PARD3B: variants seen among roughly 807,000 people sequenced by gnomAD.
PARD3B encodes the protein partitioning defective 3 homolog B.
A neutral mutation model predicts 130.2 loss-of-function variants in PARD3B; 103 were observed. The ratio of observed to expected loss-of-function variants is 0.79; its 90% CI spans 0.67 to 0.93. The LOEUF is 0.93. PARD3B is among the 40% of genes least tolerant of loss of function. The pLI is 0.00. For synonymous variants in PARD3B, 583 were observed against 553.2 expected (o/e 1.05, Z -0.76); for missense variants, 1,609 against 1,499.2 (o/e 1.07, Z -1.21).
chr2:204,999,919 C>T (rs552524769), intron 3 of PARD3B, among the ~76,000 whole-genome samples: 1 of 152,162 alleles, frequency 6.6e-6, no homozygotes, highest in Admixed American at 6.5e-5. Context: ...GAAAAATGAT[C>T]TATTTACTTA....
chr2:205,541,649 AT>A (rs994065159), intron 21 of PARD3B, among the ~76,000 whole-genome samples: 5 of 148,944 alleles, frequency 3.4e-5, no homozygotes, highest in African/African-American at 7.4e-5. Context: ...TGCCCGGCCT[AT>A]TTTTTTTTAT....
chr2:204,801,559 T>C (rs1003441513), intron 2 of PARD3B, among the ~76,000 whole-genome samples: 8 of 152,242 alleles, frequency 5.3e-5, no homozygotes, highest in Admixed American at 3.9e-4. Context: ...GATTTTTGTA[T>C]CCTGATACTT....
Position 205,366,037 on chromosome 2 carries a change from T to C in PARD3B, c.2631-34976T>C, listed in dbSNP as rs1044736057. The stretch of plus-strand genomic sequence containing the variant: ...AAAGCAAAAGATTATCCATTTATCC[T>C]ATCTATCTACCCACCCACCCATCTA... On this transcript the variant is annotated intron_variant, in intron 18 of 22. Coordinates refer to ENST00000406610, the MANE Select transcript of PARD3B (RefSeq NM_001302769.2). The surrounding 1 kb of genome is among the most constrained non-coding windows in gnomAD (Gnocchi z 5.0). Among the ~76,000 whole-genome samples the C allele has an allele frequency of 2.3e-4, 35 of 152,086 alleles. No individual in the cohort carries two copies. The highest frequency in any genetic ancestry group is 7.5e-4 in the African/African-American group (31 of 41,410).
At chr2:205,254,335 G>C (rs2039981039) in intron 16 of PARD3B, among the ~76,000 whole-genome samples, 1 of 151,948 alleles carries the variant, frequency 6.6e-6, no homozygotes, top group Non-Finnish European at 1.5e-5. Context: ...AAATCTGAAG[G>C]TGAGCTCTTA....
chr2:204,717,905 T>C (rs193109473), intron 2 of PARD3B, among the ~76,000 whole-genome samples: 1 of 152,340 alleles, frequency 6.6e-6, no homozygotes, highest in Non-Finnish European at 1.5e-5. Context: ...GTATGCTCCA[T>C]GGCCATAGTG....
At chr2:204,896,866 C>A (rs749883536) in intron 2 of PARD3B, among the ~76,000 whole-genome samples, 1 of 152,066 alleles carries the variant, frequency 6.6e-6, no homozygotes, top group African/African-American at 2.4e-5. Flanking sequence ...AATAAGAAAG[C>A]CTTTGAACTT....
intron 18 of PARD3B, among the ~76,000 whole-genome samples, chr2:205,353,469 A>C (rs1401393054): frequency 1.3e-5 from 2 of 152,168 alleles, no homozygotes; most frequent in African/African-American, 4.8e-5. Flanking sequence ...CAATTTCTGA[A>C]ATATACTGGT....
chr2:204,740,212 G>C (rs1032283374), intron 2 of PARD3B, among the ~76,000 whole-genome samples: 1 of 151,736 alleles, frequency 6.6e-6, no homozygotes, highest in African/African-American at 2.4e-5. Flanking sequence ...GTAGAGACAG[G>C]GTTTTTGCCA....
chr2:205,381,212 G>T (rs1315073988), intron 18 of PARD3B, among the ~76,000 whole-genome samples: 1 of 116,546 alleles, frequency 8.6e-6, no homozygotes, highest in East Asian at 2.3e-4. Flanking sequence ...AATATATAAA[G>T]AATATATATT....
intron 16 of PARD3B, among the ~76,000 whole-genome samples, chr2:205,294,958 A>G (rs1428514997): frequency 6.6e-6 from 1 of 152,212 alleles, no homozygotes; most frequent in African/African-American, 2.4e-5. Context: ...AACACAGTGA[A>G]CACAGATAAC....
chr2:205,284,143 C>A (rs2041296556), intron 16 of PARD3B, among the ~76,000 whole-genome samples: 1 of 152,142 alleles, frequency 6.6e-6, no homozygotes, highest in African/African-American at 2.4e-5. Flanking sequence ...ACAAAGCGAA[C>A]AAAGGGGAAA....
At chr2:204,783,793 C>T (rs77831823) in intron 2 of PARD3B, among the ~76,000 whole-genome samples, 1 of 152,072 alleles carries the variant, frequency 6.6e-6, no homozygotes, top group Non-Finnish European at 1.5e-5. Flanking sequence ...GGTCCATATC[C>T]TTACCTATTA....
At chr2:205,134,425 G>A (rs571605378) in intron 10 of PARD3B, among the ~76,000 whole-genome samples, 1 of 152,196 alleles carries the variant, frequency 6.6e-6, no homozygotes, top group East Asian at 1.9e-4. Flanking sequence ...TTGGTAGGCT[G>A]AGGCAGGAGG....
chr2:204,612,027 G>A (rs1036102607), intron 1 of PARD3B, among the ~76,000 whole-genome samples: 2 of 152,204 alleles, frequency 1.3e-5, no homozygotes, highest in Non-Finnish European at 2.9e-5. Flanking sequence ...TTTAGACAGT[G>A]AGAATTTCCT....
At chr2:205,465,855 A>G (rs2048602855) in intron 20 of PARD3B, among the ~76,000 whole-genome samples, 2 of 152,218 alleles carry the variant, frequency 1.3e-5, no homozygotes, top group South Asian at 4.1e-4. Flanking sequence ...AGCTGCATTA[A>G]TTGACCAGTG....
chr2:204,666,045 T>C (rs190001338), intron 1 of PARD3B, among the ~76,000 whole-genome samples: 2 of 152,332 alleles, frequency 1.3e-5, no homozygotes, highest in East Asian at 3.9e-4. Flanking sequence ...ATCTTTTCCA[T>C]GCAGCAGTCA....
chr2:204,904,804 TTA>T (rs1258581591), intron 2 of PARD3B, among the ~76,000 whole-genome samples: 3 of 152,198 alleles, frequency 2.0e-5, no homozygotes, highest in Non-Finnish European at 4.4e-5. Flanking sequence ...TCGTGATAGT[TTA>T]TGTTTCATGT....
chr2:205,476,613 GTTTTTTGTTTGT>G (rs925245950), intron 20 of PARD3B, among the ~76,000 whole-genome samples: 8 of 151,752 alleles, frequency 5.3e-5, no homozygotes, highest in Non-Finnish European at 1.2e-4. Context: ...TGTTTTCTGG[GTTTTTTGTTTGT>G]TTTTTTGTTT....
At position 205,562,244 on chromosome 2, in the gene PARD3B, A is replaced by C. The variant is rs1243715199; in HGVS notation, c.3260+8841A>C. Among the ~76,000 whole-genome samples, 1 of 152,196 alleles carries C rather than the reference A, an allele frequency of 6.6e-6. No individual in the cohort carries two copies. Among genetic ancestry groups the C allele is most frequent in the Non-Finnish European group, 1.5e-5 (1 of 68,036 alleles). On this transcript the variant is annotated intron_variant, in intron 22 of 22. Coordinates refer to ENST00000406610, the MANE Select transcript of PARD3B (RefSeq NM_001302769.2). The surrounding 1 kb of genome is among the most constrained non-coding windows in gnomAD (Gnocchi z 5.4). The stretch of plus-strand genomic sequence containing the variant: ...TCGTAGCCAATATATCCTTGATGCC[A>C]GTTAGAATATTTGATATTAATTATT...
Sources: gnomAD v4.1 joint callset for allele counts (sites outside exome capture counted in the v4.1 genomes callset) on GRCh38, gnomAD v4.1.1 for gene constraint, Gnocchi (gnomAD v3.1) non-coding constraint, MANE v1.5 for transcripts, NCBI Gene and HGNC (gene_info 2026-07-23, HGNC 2026-07-21) for gene names.